Variants in CYFIP2 observed in about 807,000 individuals in gnomAD.
CYFIP2 encodes cytoplasmic FMR1 interacting protein 2.
CYFIP2 carries 29 observed loss-of-function variants against 158.7 expected under a neutral mutation model. The observed-to-expected ratio is 0.18, with a 90% CI of 0.14 to 0.25. The LOEUF is 0.25. Ranked by LOEUF, CYFIP2 falls within the 10% of genes least tolerant of loss-of-function variation. The pLI is 1.00. For missense variants in CYFIP2, 852 were observed against 1,639.5 expected (o/e 0.52, Z 8.29); for synonymous variants, 585 against 617.6 (o/e 0.95, Z 0.78).
At chr5:157,345,220 C>T (rs1368542350) in intron 23 of CYFIP2, among the ~76,000 whole-genome samples, 5 of 152,228 alleles carry the variant, frequency 3.3e-5, no homozygotes, top group African/African-American at 4.8e-5. Flanking sequence ...AGGCAGCCAC[C>T]TGTGTAAAAC....
At chr5:157,342,440 TC>T (rs1214878987) in intron 23 of CYFIP2, 1 of 158,030 alleles carries the variant, frequency 6.3e-6, no homozygotes, top group African/African-American at 2.4e-5. Context: ...TTCCAAATAA[TC>T]CCCTCAAGGG....
At chr5:157,319,241 G>T (rs1245204292) in intron 13 of CYFIP2, among the ~76,000 whole-genome samples, 1 of 152,172 alleles carries the variant, frequency 6.6e-6, no homozygotes, top group Non-Finnish European at 1.5e-5. Flanking sequence ...TCTCCCCCAT[G>T]ACTTCTGCAG....
In CYFIP2 at chr5:157,296,262, A is replaced by G. The variant is rs114033682; in HGVS notation, c.286-411A>G. Among the ~76,000 whole-genome samples the G allele has an allele frequency of 2.2e-3, 333 of 152,296 alleles. 1 individual carries two copies. Among genetic ancestry groups the G allele is most frequent in the African/African-American group, 7.6e-3 (316 of 41,550 alleles). On this transcript the variant is annotated intron_variant, in intron 4 of 30. Coordinates refer to ENST00000620254, the MANE Select transcript of CYFIP2 (RefSeq NM_001037333.3). ...GGATGAGCATATCAGTTATCATCCAAAATCAGGTGTATTTGAGAGTGAAAA... is the reference window on the plus strand; with the variant it reads ...GGATGAGCATATCAGTTATCATCCAGAATCAGGTGTATTTGAGAGTGAAAA...
intron 26 of CYFIP2, among the ~76,000 whole-genome samples, chr5:157,373,317 C>A (rs1765164233): frequency 6.6e-6 from 1 of 152,218 alleles, no homozygotes. Context: ...TCCTTGGCTT[C>A]TACCTTAAGG....
At chr5:157,328,535 C>G (rs1761204349) in intron 19 of CYFIP2, among the ~76,000 whole-genome samples, 1 of 152,184 alleles carries the variant, frequency 6.6e-6, no homozygotes, top group Admixed American at 6.5e-5. Context: ...GCCAACTTCA[C>G]AGGGCTGTGG....
At chr5:157,325,841 C>T (rs1421233969) in intron 17 of CYFIP2, 7 of 573,236 alleles carry the variant, frequency 1.2e-5, no homozygotes, top group Admixed American at 1.0e-4. Context: ...CCCAACTGCC[C>T]TTCCTATGCC....
At chr5:157,343,029 G>C in intron 23 of CYFIP2, 1 of 1,614,212 alleles carries the variant, frequency 6.2e-7, no homozygotes, top group South Asian at 1.1e-5. Flanking sequence ...TCCTCCCTCT[G>C]ACCAAGATCC....
At chr5:157,319,691 G>C in intron 13 of CYFIP2, 71 bp from the exon 14 acceptor site, 11 of 1,560,390 alleles carry the variant, frequency 7.0e-6, no homozygotes, top group Non-Finnish European at 9.6e-6. Context: ...CCCCTGGCAG[G>C]GCGGTGATGG....
intron 23 of CYFIP2, chr5:157,345,463 ATT>A (rs1375334195): frequency 6.6e-6 from 1 of 152,312 alleles, no homozygotes; most frequent in East Asian, 1.9e-4. Flanking sequence ...TTAACTATTC[ATT>A]TGCCCGGCCC....
chr5:157,297,695 G>C (rs1758367993), intron 5 of CYFIP2, among the ~76,000 whole-genome samples: 2 of 152,170 alleles, frequency 1.3e-5, no homozygotes, highest in South Asian at 4.1e-4. Context: ...TTAGAACTGT[G>C]CTGTCCAGTG....
intron 21 of CYFIP2, among the ~76,000 whole-genome samples, chr5:157,334,951 A>G (rs1761745200): frequency 6.6e-6 from 1 of 152,250 alleles, no homozygotes; most frequent in African/African-American, 2.4e-5. Flanking sequence ...GCCAGATGTT[A>G]ACAGTGGGGA....
chr5:157,333,571 G>T, intron 21 of CYFIP2, 125 bp downstream of exon 21: 3 of 1,348,746 alleles, frequency 2.2e-6, no homozygotes, highest in South Asian at 2.6e-5. Context: ...TTTCCCATCT[G>T]AATGGAGCTG....
chr5:157,375,973 C>T (rs1258768496), intron 26 of CYFIP2: 1 of 152,284 alleles, frequency 6.6e-6, no homozygotes, highest in Non-Finnish European at 1.5e-5. Context: ...TCCTGACTGC[C>T]CATAGCACTG....
At chr5:157,303,830 C>T (rs1248413160) in intron 7 of CYFIP2, among the ~76,000 whole-genome samples, 3 of 151,852 alleles carry the variant, frequency 2.0e-5, no homozygotes, top group Non-Finnish European at 4.4e-5. Context: ...CCCCTCCCCA[C>T]CGCCAGCTCT....
intron 2 of CYFIP2, among the ~76,000 whole-genome samples, chr5:157,286,384 T>A (rs116745760): frequency 0.021 from 3,083 of 147,544 alleles, 106 homozygotes; most frequent in African/African-American, 0.073. Flanking sequence ...ATACATATAT[T>A]TTTTTTTTAA....
chr5:157,272,470 A>G (rs1443120915), intron 1 of CYFIP2, among the ~76,000 whole-genome samples: 3 of 152,236 alleles, frequency 2.0e-5, no homozygotes, highest in African/African-American at 7.2e-5. Flanking sequence ...TAGTATTGAA[A>G]GCCTTATAAT....
chr5:157,339,441 T>C (rs565192772), intron 22 of CYFIP2, among the ~76,000 whole-genome samples, 185 bp downstream of exon 22: 1 of 132,804 alleles, frequency 7.5e-6, no homozygotes, highest in East Asian at 2.0e-4. Context: ...GACAGTTGAA[T>C]GTGGTTAACA....
chr5:157,288,489 C>A, intron 3 of CYFIP2: 1 of 411,154 alleles, frequency 2.4e-6, no homozygotes, highest in Non-Finnish European at 4.8e-6. Context: ...TGGCTGGTGC[C>A]CTCAGAGGAC....
intron 13 of CYFIP2, among the ~76,000 whole-genome samples, chr5:157,318,064 G>C (rs904802842): frequency 6.6e-6 from 1 of 152,038 alleles, no homozygotes; most frequent in Admixed American, 6.5e-5. Context: ...TTAAAAAATC[G>C]GGTTTCTGTC....
Sources: allele counts gnomAD v4.1 joint callset (sites outside exome capture counted in the v4.1 genomes callset), GRCh38; gene constraint gnomAD v4.1.1; transcripts MANE v1.5; gene names NCBI Gene and HGNC (gene_info 2026-07-23, HGNC 2026-07-21).